GABRB2: variants seen among roughly 807,000 people sequenced by gnomAD.
The protein encoded by GABRB2 is gamma-aminobutyric acid type A receptor subunit beta2, also known as gamma-aminobutyric acid receptor subunit beta-2.
Under a neutral mutation model 54.7 loss-of-function variants are expected in GABRB2, and 16 were observed. The ratio of observed to expected loss-of-function variants is 0.29; its 90% CI spans 0.20 to 0.44. The LOEUF (loss-of-function observed/expected upper bound fraction) is 0.44. Among genes scored for constraint, GABRB2 ranks in the 20% least tolerant of loss-of-function variants. The probability of loss-of-function intolerance (pLI) is 1.00; values close to 1 mark genes in which losing one functional copy is unlikely to be tolerated. For missense variants in GABRB2, 355 were observed against 644.0 expected, an observed-to-expected ratio of 0.55 and a Z score of 4.86; for synonymous variants, 244 against 233.8, an observed-to-expected ratio of 1.04 and a Z score of -0.40.
chr5:161,528,283 C>G (rs1278015169), intron 3 of GABRB2, among the ~76,000 whole-genome samples: 1 of 151,650 alleles, frequency 6.6e-6, no homozygotes, highest in Non-Finnish European at 1.5e-5. Context: ...GTAGTTGTAT[C>G]TGGGTGATGA....
chr5:161,432,477 T>C (rs921516761), intron 4 of GABRB2, among the ~76,000 whole-genome samples: 4 of 152,102 alleles, frequency 2.6e-5, no homozygotes, highest in Non-Finnish European at 4.4e-5. Context: ...ATTAGGTAAA[T>C]AGCAGCATCT....
chr5:161,359,072 A>T (rs1754725487), intron 5 of GABRB2, among the ~76,000 whole-genome samples: 1 of 152,086 alleles, frequency 6.6e-6, no homozygotes, highest in African/African-American at 2.4e-5. Flanking sequence ...TGTCTTAGTG[A>T]TGAAAATCTA....
rs116644140 is a variant in GABRB2 at position 161,297,653 on chromosome 5, G to C, written c.1192-3225C>G. Among the ~76,000 whole-genome samples the C allele has an allele frequency of 6.3e-3, 957 of 152,132 alleles. 21 individuals carry two copies. The East Asian group carries it at 0.076, about 12-fold the overall frequency. On this transcript the variant is annotated intron_variant, in intron 9 of 9. Transcript: ENST00000393959. Reference sequence around the variant, plus strand: ...CTGTATAGTATTCCATGGTATATACGTGTCACATTTTCTTTATCAAGTCTA... The same window carrying C: ...CTGTATAGTATTCCATGGTATATACCTGTCACATTTTCTTTATCAAGTCTA...
chr5:161,305,960 T>C (rs1757679864), intron 9 of GABRB2, among the ~76,000 whole-genome samples: 1 of 152,248 alleles, frequency 6.6e-6, no homozygotes, highest in South Asian at 2.1e-4. Flanking sequence ...CTTTCCCCTT[T>C]ATAATCTTCC....
chr5:161,478,904 G>A (rs1758672807), intron 3 of GABRB2, among the ~76,000 whole-genome samples: 2 of 152,008 alleles, frequency 1.3e-5, no homozygotes, highest in Admixed American at 6.6e-5. Context: ...ATTTTGCTCA[G>A]CATGGGCTAG....
chr5:161,315,327 G>A (rs145658371), intron 9 of GABRB2, among the ~76,000 whole-genome samples: 267 of 152,232 alleles, frequency 1.8e-3, no homozygotes, highest in East Asian at 0.015. Flanking sequence ...AGATGTCCAG[G>A]TTCACTGAAT....
At chr5:161,508,380 G>A (rs1313650016) in intron 3 of GABRB2, among the ~76,000 whole-genome samples, 1 of 149,938 alleles carries the variant, frequency 6.7e-6, no homozygotes, top group East Asian at 1.9e-4. Flanking sequence ...AGACAACATT[G>A]ACATGAATAG....
intron 4 of GABRB2, among the ~76,000 whole-genome samples, chr5:161,434,431 T>C (rs546291507): frequency 3.9e-5 from 6 of 152,160 alleles, no homozygotes; most frequent in Non-Finnish European, 8.8e-5. Context: ...TCTTAAAAAT[T>C]ACTAACAAAA....
In GABRB2 at chr5:161,414,416, T is replaced by C. The variant is rs1410227044; in HGVS notation, c.459-3359A>G. On this transcript the variant is annotated intron_variant, in intron 4 of 9. Coordinates refer to ENST00000393959, the MANE Select transcript of GABRB2 (RefSeq NM_001371727.1). ...ACGTGTAGATACTGTGATAACTCAT[T>C]TTACTAGAAGTTATTTGGCAGTATG... Among the ~76,000 whole-genome samples the C allele has an allele frequency of 2.0e-5, 3 of 152,004 alleles. No individual in the cohort carries two copies. In the East Asian group the frequency reaches 5.8e-4, roughly 29 times the overall value.
chr5:161,496,057 A>G (rs1759232789), intron 3 of GABRB2, among the ~76,000 whole-genome samples: 1 of 152,082 alleles, frequency 6.6e-6, no homozygotes, highest in African/African-American at 2.4e-5. Context: ...AGAACATACC[A>G]TCTCCGCTTT....
intron 4 of GABRB2, chr5:161,459,374 T>C: frequency 1.9e-6 from 1 of 523,172 alleles, no homozygotes; most frequent in South Asian, 2.2e-5. Context: ...TCCCTAGTCC[T>C]TAAAGAAAGC....
At chr5:161,396,452 T>C (rs548776053) in intron 5 of GABRB2, among the ~76,000 whole-genome samples, 104 of 152,348 alleles carry the variant, frequency 6.8e-4, no homozygotes, top group African/African-American at 2.4e-3. Context: ...AGAGAGAGGT[T>C]GTTAAAACGA....
chr5:161,489,133 T>C (rs1180107581), intron 3 of GABRB2, among the ~76,000 whole-genome samples: 1 of 151,778 alleles, frequency 6.6e-6, no homozygotes, highest in African/African-American at 2.4e-5. Flanking sequence ...AATGGATGGC[T>C]TGTGAGTAAC....
chr5:161,344,890 T>C lies in GABRB2; in HGVS notation c.542-8121A>G, dbSNP rs1333844090. 2.0e-5 allele frequency among the ~76,000 whole-genome samples: 3 copies of C among 152,126 alleles called. No homozygotes were observed. In the East Asian group the frequency reaches 5.8e-4, roughly 29 times the overall value. On this transcript the variant is annotated intron_variant, in intron 5 of 9. Transcript: ENST00000393959. ...ATAAAAAAGATGAGTTCATGTCCTT[T>C]GCAGGGACATGGATGAAGCTGGAAA...
At chr5:161,330,416 A>G (rs1753803799) in intron 8 of GABRB2, 1 of 153,572 alleles carries the variant, frequency 6.5e-6, no homozygotes, top group African/African-American at 2.4e-5. Flanking sequence ...TCTTTCCTTT[A>G]AGTCAAAGAG....
At chr5:161,394,569 T>C (rs573788251) in intron 5 of GABRB2, among the ~76,000 whole-genome samples, 1 of 152,184 alleles carries the variant, frequency 6.6e-6, no homozygotes, top group South Asian at 2.1e-4. Context: ...TGTGAATAAC[T>C]TTATGCCAAA....
At chr5:161,368,242 A>T (rs1448525164) in intron 5 of GABRB2, among the ~76,000 whole-genome samples, 1 of 152,174 alleles carries the variant, frequency 6.6e-6, no homozygotes, top group Non-Finnish European at 1.5e-5. Context: ...TCAGCCAAAG[A>T]CAAAAATACA....
intron 3 of GABRB2, among the ~76,000 whole-genome samples, chr5:161,478,428 T>A (rs192290227): frequency 2.0e-3 from 301 of 152,194 alleles, no homozygotes; most frequent in African/African-American, 6.9e-3. Flanking sequence ...ATGAAAATGA[T>A]CTTTGAAATC....
intron 4 of GABRB2, among the ~76,000 whole-genome samples, chr5:161,436,836 A>G (rs750922985): frequency 6.6e-6 from 1 of 152,048 alleles, no homozygotes; most frequent in Non-Finnish European, 1.5e-5. Flanking sequence ...TGGGGAAGGG[A>G]GAACACAGCA....
Sources: allele counts gnomAD v4.1 joint callset (sites outside exome capture counted in the v4.1 genomes callset), GRCh38; gene constraint gnomAD v4.1.1; transcripts MANE v1.5; gene names NCBI Gene and HGNC (gene_info 2026-07-23, HGNC 2026-07-21).